ERRFI1: variants seen among roughly 807,000 people sequenced by gnomAD.
ERRFI1 encodes the protein mitogen-inducible gene 6 protein.
Under a neutral mutation model 14.6 loss-of-function variants are expected in ERRFI1, and 12 were observed. The observed-to-expected ratio is 0.82, with a 90% CI of 0.53 to 1.33. ERRFI1 has a LOEUF of 1.33. Ranked by LOEUF, ERRFI1 falls within the 40% of genes most tolerant of loss-of-function variation. The pLI, the probability that ERRFI1 is intolerant of heterozygous loss-of-function variation, is 0.00. For synonymous variants in ERRFI1, 202 were observed against 209.9 expected (o/e 0.96, Z 0.32); for missense variants, 482 against 572.1 (o/e 0.84, Z 1.61).
At chr1:8,025,625 G>T (rs535101343) in intron 1 of ERRFI1, among the ~76,000 whole-genome samples, 123 of 152,194 alleles carry the variant, frequency 8.1e-4, no homozygotes, top group Admixed American at 4.2e-3. Flanking sequence ...ACGGGTACAC[G>T]GTGTGAACAA....
intron 1 of ERRFI1, among the ~76,000 whole-genome samples, chr1:8,021,464 G>A (rs1255096401): frequency 6.6e-6 from 1 of 152,088 alleles, no homozygotes; most frequent in African/African-American, 2.4e-5. Flanking sequence ...ACAGAGGGGA[G>A]AAAAATATTA....
intron 1 of ERRFI1, among the ~76,000 whole-genome samples, chr1:8,024,206 T>TTTTG (rs1641313259): frequency 6.6e-6 from 1 of 152,216 alleles, no homozygotes; most frequent in African/African-American, 2.4e-5. Context: ...AAGTATTATC[T>TTTTG]AGCTCAACTT....
At chr1:8,023,850 A>T (rs1031460745) in intron 1 of ERRFI1, among the ~76,000 whole-genome samples, 2 of 152,228 alleles carry the variant, frequency 1.3e-5, no homozygotes, top group Admixed American at 6.5e-5. Flanking sequence ...TGCTGTGTGA[A>T]CAATGCCAGA....
At chr1:8,024,554 T>A (rs539197224) in intron 1 of ERRFI1, among the ~76,000 whole-genome samples, 1 of 152,230 alleles carries the variant, frequency 6.6e-6, no homozygotes, top group Admixed American at 6.5e-5. Context: ...TTAAGGAGTT[T>A]ACAATCTAAT....
At chr1:8,017,452 CT>C (rs1641192823) in intron 1 of ERRFI1, among the ~76,000 whole-genome samples, 1 of 152,118 alleles carries the variant, frequency 6.6e-6, no homozygotes, top group Admixed American at 6.5e-5. Flanking sequence ...ATTGAGAGGT[CT>C]TTTGAGGATT....
intron 1 of ERRFI1, among the ~76,000 whole-genome samples, chr1:8,021,859 C>G (rs752992294): frequency 7.4e-4 from 112 of 152,320 alleles, no homozygotes; most frequent in Non-Finnish European, 1.2e-3. Flanking sequence ...ACTAGACAGC[C>G]CGGCCTCAGT....
intron 1 of ERRFI1, among the ~76,000 whole-genome samples, chr1:8,018,518 T>C (rs1174624145): frequency 2.6e-5 from 4 of 152,122 alleles, no homozygotes; most frequent in East Asian, 3.9e-4. Flanking sequence ...ATTGCAAAAA[T>C]GTACCTATGT....
In ERRFI1 at chr1:8,013,436, T is replaced by A. The variant is rs1160947328; in HGVS notation, c.1163A>T (p.Lys388Met). ...TAGGTAATAATGTGTTGAACTAACCTTCTTCCCATTTTCAATAATGGGCAG... is the reference window on the plus strand; with the variant it reads ...TAGGTAATAATGTGTTGAACTAACCATCTTCCCATTTTCAATAATGGGCAG... Reference protein sequence around the residue: ...CILPIIENGKKVSSTHYYLLP... With the variant: ...CILPIIENGKMVSSTHYYLLP... The change falls in exon 4 of 4, where the codon AAG becomes ATG. Residue 388 changes from lysine to methionine, a missense_variant. Coordinates refer to ENST00000377482, the MANE Select transcript of ERRFI1 (RefSeq NM_018948.4). The surrounding 1 kb of genome is among the most constrained non-coding windows in gnomAD (Gnocchi z 4.3). The A allele has an allele frequency of 6.2e-7, 1 of 1,614,246 alleles. No individual in the cohort carries two copies. Among genetic ancestry groups the A allele is most frequent in the South Asian group, 1.1e-5 (1 of 91,086 alleles).
chr1:8,016,486 G>C (rs1263541360), intron 1 of ERRFI1, among the ~76,000 whole-genome samples: 1 of 152,174 alleles, frequency 6.6e-6, no homozygotes, highest in Non-Finnish European at 1.5e-5. Context: ...GCAAGGCATG[G>C]ATAACAAAAT....
rs963526960 is a variant in ERRFI1 at position 8,012,046 on chromosome 1, G to A, written c.*1164C>T. The A allele has an allele frequency of 1.3e-5, 3 of 229,898 alleles. No homozygotes were observed. Among genetic ancestry groups the A allele is most frequent in the South Asian group, 1.8e-4 (1 of 5,496 alleles). 14.2% of individuals were successfully genotyped at this position (229,898 alleles called of 1,614,324 possible). A position where few individuals can be genotyped will look rare whatever the true frequency, so the allele number is the denominator to read the frequency against. ...AAATACATGGAAGGATGTGAAAATC[G>A]GAACACCAACTATGTGTCTCACTGC... is the stretch of plus-strand genomic sequence containing the variant. On this transcript the variant is annotated 3_prime_UTR_variant, in exon 4 of 4. Coordinates refer to ENST00000377482, the MANE Select transcript of ERRFI1 (RefSeq NM_018948.4).
rs199994775 is a variant in ERRFI1 at position 8,014,308 on chromosome 1, A to G, written c.291T>C (p.Ile97=). 1.2e-6 allele frequency: 2 copies of G among 1,613,836 alleles called. No individual in the cohort carries two copies. Among genetic ancestry groups the G allele is most frequent in the African/African-American group, 1.3e-5 (1 of 75,008 alleles). ...GTGGTCCCAAGTTTTCACTTGGGGG[A>G]ATAAGAAGAGGGGGCAAGCTGGACT... ...SQKSSLPPLL[I]PPSENLGPHE... is the part of the protein sequence containing the mutation. Residue 97 remains isoleucine, a synonymous_variant, in exon 4 of 4, where the codon ATT becomes ATC. Transcript: ENST00000377482.
chr1:8,020,179 G>A (rs1348641605), intron 1 of ERRFI1, among the ~76,000 whole-genome samples: 1 of 152,082 alleles, frequency 6.6e-6, no homozygotes, highest in Non-Finnish European at 1.5e-5. Flanking sequence ...CCATCCATGG[G>A]AGGAGGAGGG....
In ERRFI1 at chr1:8,013,257, C is replaced by G; in HGVS notation, c.1342G>C (p.Gly448Arg). The change falls in exon 4 of 4, where the codon GGT becomes CGT. Residue 448 changes from glycine (G) to arginine (R), a missense_variant. Transcript: ENST00000377482. The surrounding 1 kb of genome is among the most constrained non-coding windows in gnomAD (Gnocchi z 4.3). ...KPDSKTKMDL[G>R]GHVKRKHLSY... is the part of the protein sequence containing the mutation. ...AAATGTTTACGCTTCACGTGGCCAC[C>G]CAGATCCATTTTTGTTTTTGAGTCT... The G allele has an allele frequency of 2.5e-6, 4 of 1,614,024 alleles. No homozygotes were observed. Among genetic ancestry groups the G allele is most frequent in the Non-Finnish European group, 3.4e-6 (4 of 1,180,016 alleles).
intron 3 of ERRFI1, chr1:8,014,910 A>T (rs759896732): frequency 3.3e-5 from 7 of 210,174 alleles, no homozygotes; most frequent in Admixed American, 1.0e-4. Context: ...CACATTAAAA[A>T]TACTATTTTT....
Position 8,013,500 on chromosome 1 carries a change from G to C in ERRFI1, c.1099C>G (p.Gln367Glu), listed in dbSNP as rs2124055963. The C allele has an allele frequency of 6.2e-7, 1 of 1,614,158 alleles. No individual in the cohort carries two copies. The highest frequency in any genetic ancestry group is 8.5e-7 in the Non-Finnish European group (1 of 1,180,044). Residue 367 changes from glutamine to glutamate, a missense_variant, in exon 4 of 4, where the codon CAG becomes GAG. By Grantham distance (29) the Gln-to-Glu change is conservative. Coordinates refer to ENST00000377482, the MANE Select transcript of ERRFI1 (RefSeq NM_018948.4). This position sits in a 1 kb window ranked among gnomAD's most constrained non-coding sequence, Gnocchi z 4.3. Reference sequence around the variant, plus strand: ...TTACTGGCAGATCCTTCGCTGTTCTGTCTTTGCAGTGCTTTGCTGCTGACA... The same window carrying C: ...TTACTGGCAGATCCTTCGCTGTTCTCTCTTTGCAGTGCTTTGCTGCTGACA... ...KYVSSKALQR[Q>E]NSEGSASKVP...
chr1:8,013,846 C>G lies in ERRFI1; in HGVS notation c.753G>C (p.Ser251=), dbSNP rs910751550. 6.2e-7 allele frequency: 1 copy of G among 1,613,998 alleles called. No individual in the cohort carries two copies. Among genetic ancestry groups the G allele is most frequent in the Middle Eastern group, 1.6e-4 (1 of 6,062 alleles). ...QTHRRLRRSH[S]GPAGSFNKPA... is the part of the protein sequence containing the mutation. ...GCTTGTTAAAGGAGCCAGCTGGTCCCGAATGAGACCTTCTTAATCTTCGGT... is the reference window on the plus strand; with the variant it reads ...GCTTGTTAAAGGAGCCAGCTGGTCCGGAATGAGACCTTCTTAATCTTCGGT... Residue 251 remains serine (S), a synonymous_variant, in exon 4 of 4, where the codon TCG becomes TCC. Coordinates refer to ENST00000377482, the MANE Select transcript of ERRFI1 (RefSeq NM_018948.4). The surrounding 1 kb of genome is among the most constrained non-coding windows in gnomAD (Gnocchi z 4.3).
chr1:8,015,204 G>C, intron 3 of ERRFI1, 104 bp downstream of exon 3: 2 of 1,000,506 alleles, frequency 2.0e-6, no homozygotes, highest in South Asian at 2.8e-5. Flanking sequence ...GTTGGAAATA[G>C]TTCAGGTTTC....
At position 8,012,090 on chromosome 1, in the gene ERRFI1, C is replaced by T. The variant is rs1272194632; in HGVS notation, c.*1120G>A. 4 of 230,274 alleles carry T rather than the reference C, an allele frequency of 1.7e-5. No homozygotes were observed. Among genetic ancestry groups the T allele is most frequent in the African/African-American group, 2.2e-5 (1 of 45,156 alleles). The allele number at this position is 230,274 out of a possible 1,614,324, so 14.3% of individuals were successfully genotyped here. ...TCACTGCATCTAAGTGAAGCAGCCACAGCTGTGAGAGTTTTCAAAGCAGAA... is the reference window on the plus strand; with the variant it reads ...TCACTGCATCTAAGTGAAGCAGCCATAGCTGTGAGAGTTTTCAAAGCAGAA... On this transcript the variant is annotated 3_prime_UTR_variant, in exon 4 of 4. Coordinates refer to ENST00000377482, the MANE Select transcript of ERRFI1 (RefSeq NM_018948.4).
At chr1:8,024,828 T>G (rs1641321899) in intron 1 of ERRFI1, among the ~76,000 whole-genome samples, 1 of 152,214 alleles carries the variant, frequency 6.6e-6, no homozygotes, top group South Asian at 2.1e-4. Context: ...TTTGCAAAAT[T>G]TGATCATTTG....
Sources: allele counts gnomAD v4.1 joint callset (sites outside exome capture counted in the v4.1 genomes callset), GRCh38; gene constraint gnomAD v4.1.1; non-coding constraint Gnocchi (gnomAD v3.1); transcripts MANE v1.5; gene names NCBI Gene and HGNC (gene_info 2026-07-23, HGNC 2026-07-21).